CRB1: variants seen among roughly 807,000 people sequenced by gnomAD.
The protein encoded by CRB1 is protein crumbs homolog 1.
A neutral mutation model predicts 120.0 loss-of-function variants in CRB1; 83 were observed. The ratio of observed to expected loss-of-function variants is 0.69; its 90% CI spans 0.58 to 0.83. The LOEUF (loss-of-function observed/expected upper bound fraction) is 0.83, where lower values mean the gene tolerates loss of function less well. CRB1 is among the 40% of genes least tolerant of loss of function. The pLI, the probability that CRB1 is intolerant of heterozygous loss-of-function variation, is 0.00. For synonymous variants in CRB1, 625 were observed against 612.5 expected (o/e 1.02, Z -0.30); for missense variants, 1,699 against 1,687.6 (o/e 1.01, Z -0.12).
intron 5 of CRB1, among the ~76,000 whole-genome samples, chr1:197,379,449 G>A (rs756854522): frequency 2.6e-5 from 4 of 151,500 alleles, no homozygotes; most frequent in Non-Finnish European, 5.9e-5. Flanking sequence ...ACAGGCTCCC[G>A]CCACCACGCC....
intron 4 of CRB1, among the ~76,000 whole-genome samples, chr1:197,353,814 TAAAAA>T (rs57274486): frequency 5.6e-5 from 5 of 89,430 alleles, no homozygotes; most frequent in African/African-American, 2.5e-4. Flanking sequence ...AATATATAAA[TAAAAA>T]AAAAAAAAAA....
the CRB1 span, among the ~76,000 whole-genome samples, chr1:197,237,103 C>A: frequency 6.6e-6 from 1 of 151,590 alleles, no homozygotes; most frequent in African/African-American, 2.4e-5. Flanking sequence ...TGGATCATTT[C>A]TGCCTCAAAT....
chr1:197,450,872 ATGGCGTG>A, intron 11 of CRB1, among the ~76,000 whole-genome samples: 1 of 145,254 alleles, frequency 6.9e-6, no homozygotes. Flanking sequence ...AGGCAGGAGA[ATGGCGTG>A]AACCCGGGGG....
At chr1:197,474,545 AC>A (rs1476226942) in intron 11 of CRB1, among the ~76,000 whole-genome samples, 13 of 152,212 alleles carry the variant, frequency 8.5e-5, no homozygotes, top group African/African-American at 3.1e-4. Context: ...GAATTGAGGT[AC>A]TAACAAGGAC....
chr1:197,214,632 AAAAC>A, the CRB1 span, among the ~76,000 whole-genome samples: 1 of 152,152 alleles, frequency 6.6e-6, no homozygotes, highest in Non-Finnish European at 1.5e-5. Flanking sequence ...AATCATGTAA[AAAAC>A]AAAGTCTGAT....
chr1:197,428,864 C>A (rs890537904), intron 7 of CRB1: 2 of 1,149,476 alleles, frequency 1.7e-6, no homozygotes, highest in African/African-American at 1.5e-5. Flanking sequence ...AGACCCAGGA[C>A]AAACACAGTT....
intron 1 of CRB1, among the ~76,000 whole-genome samples, chr1:197,288,790 GAA>G (rs1158445006): frequency 4.6e-5 from 7 of 151,286 alleles, no homozygotes; most frequent in Non-Finnish European, 7.4e-5. Context: ...AACATAAAGA[GAA>G]AAAAGGATTA....
chr1:197,225,018 T>C, the CRB1 span, among the ~76,000 whole-genome samples: 1 of 152,186 alleles, frequency 6.6e-6, no homozygotes, highest in Non-Finnish European at 1.5e-5. Context: ...GGCTAGGTGT[T>C]AGGCACAGTT....
At chr1:197,277,713 G>A (rs1345731029) in intron 1 of CRB1, among the ~76,000 whole-genome samples, 1 of 151,904 alleles carries the variant, frequency 6.6e-6, no homozygotes, top group Admixed American at 6.6e-5. Flanking sequence ...TATGAGTTGT[G>A]TCAGTAAATA....
chr1:197,307,109 C>A (rs1657220864), intron 1 of CRB1, among the ~76,000 whole-genome samples: 3 of 152,044 alleles, frequency 2.0e-5, no homozygotes, highest in East Asian at 3.9e-4. Flanking sequence ...TATTAAGCAC[C>A]TTTTTGCTTG....
intron 11 of CRB1, among the ~76,000 whole-genome samples, chr1:197,450,530 A>G (rs1022189438): frequency 7.9e-5 from 12 of 152,282 alleles, no homozygotes; most frequent in Admixed American, 1.3e-4. Context: ...TGTAAACATT[A>G]TAAGGATAAA....
chr1:197,298,841 ATCT>A (rs1195728963), intron 1 of CRB1, among the ~76,000 whole-genome samples: 1 of 152,092 alleles, frequency 6.6e-6, no homozygotes, highest in Non-Finnish European at 1.5e-5. Context: ...CATAGAGTTG[ATCT>A]TCTTCTCATT....
rs114510093 is a variant in CRB1 at position 197,435,040 on chromosome 1, A to G, written c.3177A>G (p.Thr1059=). 1 of 1,613,916 alleles carries G rather than the reference A, an allele frequency of 6.2e-7. No individual in the cohort carries two copies. The highest frequency in any genetic ancestry group is 1.3e-5 in the African/African-American group (1 of 74,994). ...SRWQMEVDNE[T]PFVTSTIATG... ...GGCAAATGGAAGTGGACAACGAAAC[A>G]CCTTTTGTGACCAGCACAATTGCTA... Residue 1059 remains threonine (T), a synonymous_variant, in exon 9 of 12, where the codon ACA becomes ACG. Transcript: ENST00000367400.
At chr1:197,272,087 C>A (rs1274093788) in intron 1 of CRB1, among the ~76,000 whole-genome samples, 1 of 151,984 alleles carries the variant, frequency 6.6e-6, no homozygotes, top group Non-Finnish European at 1.5e-5. Context: ...GAATGAAGAA[C>A]AAATAGAGAT....
At chr1:197,280,633 C>T (rs1377717015) in intron 1 of CRB1, among the ~76,000 whole-genome samples, 1 of 151,726 alleles carries the variant, frequency 6.6e-6, no homozygotes, top group Non-Finnish European at 1.5e-5. Flanking sequence ...GGCAGTAATG[C>T]GTACTGGAAT....
At chr1:197,236,122 A>T in the CRB1 span, among the ~76,000 whole-genome samples, 1 of 152,012 alleles carries the variant, frequency 6.6e-6, no homozygotes, top group Non-Finnish European at 1.5e-5. Flanking sequence ...TATTAATCAT[A>T]CATATTGTGG....
intron 5 of CRB1, among the ~76,000 whole-genome samples, chr1:197,379,339 G>A (rs368034530): frequency 5.3e-5 from 8 of 149,720 alleles, no homozygotes; most frequent in African/African-American, 9.8e-5. Flanking sequence ...TCGCTTTGTC[G>A]CCCAGGCTGG....
At chr1:197,397,900 A>G (rs1662853288) in intron 5 of CRB1, among the ~76,000 whole-genome samples, 1 of 152,108 alleles carries the variant, frequency 6.6e-6, no homozygotes, top group South Asian at 2.1e-4. Context: ...CGCACAGTGT[A>G]TACCTTTGTA....
intron 1 of CRB1, among the ~76,000 whole-genome samples, chr1:197,303,019 A>G (rs1175717113): frequency 6.6e-6 from 1 of 152,154 alleles, no homozygotes; most frequent in Admixed American, 6.6e-5. Context: ...TTTGTGTGTC[A>G]TCAACTTGGT....
Sources: allele counts gnomAD v4.1 joint callset (sites outside exome capture counted in the v4.1 genomes callset), GRCh38; gene constraint gnomAD v4.1.1; transcripts MANE v1.5; gene names NCBI Gene and HGNC (gene_info 2026-07-23, HGNC 2026-07-21).